GPC3: variants seen among roughly 807,000 people sequenced by gnomAD.
The protein encoded by GPC3 is glypican 3.
GPC3 carries 3 observed loss-of-function variants against 34.4 expected under a neutral mutation model. The ratio of observed to expected loss-of-function variants is 0.09; its 90% CI spans 0.04 to 0.23. GPC3 has a LOEUF of 0.23. Ranked by LOEUF, GPC3 falls within the 10% of genes least tolerant of loss-of-function variation. GPC3 has a pLI of 1.00. For missense variants in GPC3, 351 were observed against 445.6 expected, an observed-to-expected ratio of 0.79 and a Z score of 1.91; for synonymous variants, 177 against 174.0, an observed-to-expected ratio of 1.02 and a Z score of -0.13.
At chrX:133,604,229 T>C (rs905336004) in intron 6 of GPC3, among the ~76,000 whole-genome samples, 2 of 111,585 alleles carry the variant, frequency 1.8e-5, no homozygotes, top group African/African-American at 6.5e-5. Flanking sequence ...GGTCCAGAAC[T>C]CTTCAAAAGA....
At chrX:133,772,353 G>C (rs1300055002) in intron 2 of GPC3, among the ~76,000 whole-genome samples, 1 of 110,634 alleles carries the variant, frequency 9.0e-6, no homozygotes, top group Non-Finnish European at 1.9e-5. Flanking sequence ...CATAAACAAA[G>C]GTGCTGGTGT....
intron 5 of GPC3, among the ~76,000 whole-genome samples, chrX:133,666,098 A>G (rs1197387501): frequency 8.9e-6 from 1 of 112,049 alleles, no homozygotes; most frequent in Non-Finnish European, 1.9e-5. Flanking sequence ...CAAAACCATT[A>G]TAAATATTAA....
intron 2 of GPC3, 95 bp from the exon 3 acceptor site, chrX:133,754,271 T>A: frequency 1.5e-6 from 1 of 655,614 alleles, no homozygotes. Flanking sequence ...TCTATTGCTG[T>A]GGTGATTAAG....
At chrX:133,975,434 T>A (rs1019579522) in intron 1 of GPC3, among the ~76,000 whole-genome samples, 1 of 111,729 alleles carries the variant, frequency 9.0e-6, no homozygotes, top group African/African-American at 3.3e-5. Flanking sequence ...GAAAGCCCCC[T>A]CTTTTTTTTT....
chrX:133,978,929 C>A (rs1330393788), intron 1 of GPC3, among the ~76,000 whole-genome samples: 1 of 111,897 alleles, frequency 8.9e-6, no homozygotes, highest in Non-Finnish European at 1.9e-5. Context: ...AAAAGGCAGA[C>A]AAAAAGGCCA....
intron 2 of GPC3, among the ~76,000 whole-genome samples, chrX:133,870,377 C>T (rs1253712022): frequency 1.8e-5 from 2 of 111,766 alleles, no homozygotes; most frequent in African/African-American, 3.3e-5. Flanking sequence ...CCAACTGTTA[C>T]TGGAGAAAGT....
At chrX:133,643,831 GT>G (rs778326133) in intron 6 of GPC3, among the ~76,000 whole-genome samples, 221 of 96,889 alleles carry the variant, frequency 2.3e-3, no homozygotes, top group African/African-American at 6.5e-3. Flanking sequence ...TTGTTTTTAT[GT>G]TTTTTTTTTT....
intron 2 of GPC3, among the ~76,000 whole-genome samples, chrX:133,789,923 T>A (rs2072142885): frequency 8.9e-6 from 1 of 111,972 alleles, no homozygotes; most frequent in African/African-American, 3.2e-5. Flanking sequence ...CTACTGTTTT[T>A]TTCTTTCCTT....
chrX:133,935,659 G>C (rs1400536159), intron 2 of GPC3, among the ~76,000 whole-genome samples: 5 of 111,304 alleles, frequency 4.5e-5, no homozygotes, highest in Admixed American at 9.6e-5. Flanking sequence ...AGTTGAATAT[G>C]ATTTTTTAAA....
intron 6 of GPC3, among the ~76,000 whole-genome samples, chrX:133,609,248 GC>G (rs2070082935): frequency 8.9e-6 from 1 of 112,439 alleles, no homozygotes; most frequent in Non-Finnish European, 1.9e-5. Flanking sequence ...AGCATGTATA[GC>G]TTTTGTAACA....
intron 2 of GPC3, among the ~76,000 whole-genome samples, chrX:133,847,957 T>C (rs1221163044): frequency 1.8e-5 from 2 of 112,250 alleles, no homozygotes; most frequent in Non-Finnish European, 3.8e-5. Context: ...TTGTTGTTTC[T>C]GAAAACAGAA....
chrX:133,749,180 G>C (rs771760154), intron 3 of GPC3, among the ~76,000 whole-genome samples: 1 of 112,273 alleles, frequency 8.9e-6, no homozygotes, highest in Admixed American at 9.4e-5. Context: ...AGAATCGCAT[G>C]GGCCCAGGAG....
chrX:133,955,566 C>T (rs2076413017), intron 1 of GPC3, among the ~76,000 whole-genome samples: 1 of 111,878 alleles, frequency 8.9e-6, no homozygotes, highest in African/African-American at 3.3e-5. Context: ...ATGCCAGGCA[C>T]TGTGCTACAT....
Position 133,692,405 on chromosome X carries a change from T to C in GPC3, c.1256A>G (p.Asp419Gly), listed in dbSNP as rs1185485932. The change falls in exon 5 of 8, where the codon GAC becomes GGC. Residue 419 changes from aspartate (D) to glycine (G), a missense_variant. Coordinates refer to ENST00000370818, the MANE Select transcript of GPC3 (RefSeq NM_004484.4). ...TTCTTGTCCATTCCAGCAAAGGGTG[T>C]CGTTTTCCGCCACAGGGCTATGGCT... ...ICSHSPVAENDTLCWNGQELV... is the reference protein window; with the variant it reads ...ICSHSPVAENGTLCWNGQELV... The C allele has an allele frequency of 3.3e-6, 4 of 1,210,967 alleles. No individual in the cohort carries two copies. The highest frequency in any genetic ancestry group is 3.0e-5 in the East Asian group (1 of 33,865).
intron 2 of GPC3, among the ~76,000 whole-genome samples, chrX:133,912,708 G>A (rs2076206372): frequency 9.0e-6 from 1 of 111,021 alleles, no homozygotes; most frequent in African/African-American, 3.3e-5. Flanking sequence ...TTCAATTAAT[G>A]TTAAGAGATT....
At chrX:133,600,292 A>G (rs1006443621) in intron 6 of GPC3, among the ~76,000 whole-genome samples, 3 of 112,102 alleles carry the variant, frequency 2.7e-5, no homozygotes, top group Non-Finnish European at 5.6e-5. Flanking sequence ...ATTATAGAAG[A>G]AGAATTTGTG....
At chrX:133,895,548 G>A (rs1053249366) in intron 2 of GPC3, among the ~76,000 whole-genome samples, 9 of 111,354 alleles carry the variant, frequency 8.1e-5, no homozygotes, top group African/African-American at 2.9e-4. Flanking sequence ...TAGTGGGCTG[G>A]TAGCAGGGCC....
At chrX:133,946,799 T>C (rs1488304252) in intron 2 of GPC3, among the ~76,000 whole-genome samples, 1 of 110,245 alleles carries the variant, frequency 9.1e-6, no homozygotes, top group African/African-American at 3.3e-5. Flanking sequence ...GGGGTCTCAG[T>C]TGGAATGTAG....
chrX:133,596,223 C>T (rs774344723), intron 7 of GPC3: 1 of 427,307 alleles, frequency 2.3e-6, no homozygotes. Flanking sequence ...AGGAAGTTAC[C>T]CTTTTAATCT....
Sources: gnomAD v4.1 joint callset for allele counts (sites outside exome capture counted in the v4.1 genomes callset) on GRCh38, gnomAD v4.1.1 for gene constraint, MANE v1.5 for transcripts, NCBI Gene and HGNC (gene_info 2026-07-23, HGNC 2026-07-21) for gene names.